The following SGCZ variants were observed in gnomAD, a reference collection of about 807,000 sequenced individuals.
The protein encoded by SGCZ is zeta-sarcoglycan.
SGCZ carries 40 observed loss-of-function variants against 41.3 expected under a neutral mutation model. The observed-to-expected ratio is 0.97, with a 90% confidence interval of 0.75 to 1.26. SGCZ has a LOEUF of 1.26. SGCZ is among the 50% of genes most tolerant of loss of function. The pLI is 0.00. For synonymous variants in SGCZ, 206 were observed against 137.5 expected (o/e 1.50, Z -3.49); for missense variants, 552 against 369.8 (o/e 1.49, Z -4.04).
intron 3 of SGCZ, among the ~76,000 whole-genome samples, chr8:14,240,167 A>G (rs1798818827): frequency 6.6e-6 from 1 of 151,304 alleles, no homozygotes; most frequent in Non-Finnish European, 1.5e-5. Context: ...TCTCTACTAA[A>G]AATACGAAAA....
intron 1 of SGCZ, among the ~76,000 whole-genome samples, chr8:15,020,902 T>C (rs1158014123): frequency 6.6e-6 from 1 of 152,210 alleles, no homozygotes; most frequent in East Asian, 1.9e-4. Flanking sequence ...ATTTAGAAAT[T>C]CAGTTAAAAG....
intron 1 of SGCZ, among the ~76,000 whole-genome samples, chr8:14,783,359 G>A (rs945375116): frequency 6.6e-6 from 1 of 151,822 alleles, no homozygotes; most frequent in Admixed American, 6.6e-5. Context: ...ACTTGAACCC[G>A]GTAGGTGGAA....
chr8:14,535,716 T>C (rs931125851), intron 2 of SGCZ, among the ~76,000 whole-genome samples: 1 of 151,898 alleles, frequency 6.6e-6, no homozygotes, highest in Non-Finnish European at 1.5e-5. Flanking sequence ...TTTCACACAA[T>C]TTTATTAAGA....
intron 1 of SGCZ, among the ~76,000 whole-genome samples, chr8:14,775,062 G>A (rs553731585): frequency 3.3e-5 from 5 of 152,110 alleles, no homozygotes; most frequent in Non-Finnish European, 1.5e-5. Context: ...ATACTAAATT[G>A]TAAAGAAAAT....
intron 3 of SGCZ, among the ~76,000 whole-genome samples, chr8:14,241,281 G>C (rs1418124881): frequency 6.6e-6 from 1 of 151,578 alleles, no homozygotes; most frequent in African/African-American, 2.4e-5. Flanking sequence ...GTTTATTCTT[G>C]CTGAGAAGAT....
chr8:14,439,041 C>T (rs1002191301), intron 2 of SGCZ, among the ~76,000 whole-genome samples: 1 of 151,938 alleles, frequency 6.6e-6, no homozygotes, highest in Non-Finnish European at 1.5e-5. Flanking sequence ...AGGTTTATTA[C>T]AGATGCCAAG....
At position 14,364,623 on chromosome 8, in the gene SGCZ, G is replaced by A. The variant is rs79871616; in HGVS notation, c.235-40419C>T. Among the ~76,000 whole-genome samples the A allele has an allele frequency of 2.2e-4, 33 of 151,950 alleles. No individual in the cohort carries two copies. In the East Asian group the frequency reaches 3.1e-3, roughly 14 times the overall value. ...TCTGACCACTTGAGAGATGCTATGCGTTATCATATTGTCATTCACCACTTA... is the reference window on the plus strand; with the variant it reads ...TCTGACCACTTGAGAGATGCTATGCATTATCATATTGTCATTCACCACTTA... On this transcript the variant is annotated intron_variant, in intron 2 of 7. Transcript: ENST00000382080.
intron 2 of SGCZ, among the ~76,000 whole-genome samples, chr8:14,538,372 G>A (rs1803359252): frequency 6.6e-6 from 1 of 151,814 alleles, no homozygotes; most frequent in African/African-American, 2.4e-5. Context: ...AGTCAAGTGG[G>A]AATGAATAAA....
chr8:14,637,989 C>T (rs768077929), intron 1 of SGCZ, among the ~76,000 whole-genome samples: 2 of 151,782 alleles, frequency 1.3e-5, no homozygotes, highest in East Asian at 1.9e-4. Context: ...TATCCTTTGA[C>T]ATTTTAGTAA....
intron 1 of SGCZ, among the ~76,000 whole-genome samples, chr8:15,011,127 C>T (rs10111834): frequency 0.67 from 102,535 of 152,094 alleles, 34,756 homozygotes; most frequent in South Asian, 0.72. Flanking sequence ...CTTTTTATGT[C>T]TTCAAGGCAA....
chr8:15,012,638 A>T (rs1459119064), intron 1 of SGCZ, among the ~76,000 whole-genome samples: 3 of 108,136 alleles, frequency 2.8e-5, no homozygotes, highest in South Asian at 5.9e-4. Flanking sequence ...ATATAAACAT[A>T]TAAAACTATA....
At chr8:14,166,328 T>G (rs966257099) in intron 4 of SGCZ, among the ~76,000 whole-genome samples, 5 of 152,188 alleles carry the variant, frequency 3.3e-5, no homozygotes, top group African/African-American at 1.2e-4. Flanking sequence ...TTGAAAACAT[T>G]ATTTCGACAG....
At chr8:14,290,475 C>T (rs1032907225) in intron 3 of SGCZ, among the ~76,000 whole-genome samples, 13 of 151,958 alleles carry the variant, frequency 8.6e-5, no homozygotes, top group Admixed American at 7.2e-4. Context: ...ATAAGAAACT[C>T]AAACAACTCA....
chr8:14,775,085 A>C (rs1800360384), intron 1 of SGCZ, among the ~76,000 whole-genome samples: 1 of 152,168 alleles, frequency 6.6e-6, no homozygotes, highest in African/African-American at 2.4e-5. Flanking sequence ...CACTAATAAA[A>C]CTAAACAAAT....
chr8:14,783,818 T>C (rs1800665180), intron 1 of SGCZ, among the ~76,000 whole-genome samples: 1 of 152,160 alleles, frequency 6.6e-6, no homozygotes, highest in Admixed American at 6.5e-5. Context: ...TTCCCAAAGT[T>C]TATTCAAAAA....
intron 1 of SGCZ, among the ~76,000 whole-genome samples, chr8:14,723,202 G>C (rs921444836): frequency 6.6e-6 from 1 of 152,186 alleles, no homozygotes; most frequent in Non-Finnish European, 1.5e-5. Flanking sequence ...AGCATAATTG[G>C]AGCAGATCTT....
intron 1 of SGCZ, among the ~76,000 whole-genome samples, chr8:14,786,314 T>C (rs1191289563): frequency 6.6e-6 from 1 of 152,102 alleles, no homozygotes; most frequent in African/African-American, 2.4e-5. Flanking sequence ...GAAAGACAAA[T>C]ACATAAGTTC....
At chr8:14,966,735 G>A (rs183471368) in intron 1 of SGCZ, among the ~76,000 whole-genome samples, 23 of 152,022 alleles carry the variant, frequency 1.5e-4, no homozygotes, top group African/African-American at 5.3e-4. Flanking sequence ...GCTTTGGGTT[G>A]TTTTCTTTTG....
chr8:14,212,385 C>T (rs573261593), intron 4 of SGCZ, among the ~76,000 whole-genome samples: 1 of 150,040 alleles, frequency 6.7e-6, no homozygotes, highest in South Asian at 2.1e-4. Flanking sequence ...TCTCACGTAA[C>T]ACCAGAAGGC....
Sources: gnomAD v4.1 joint callset for allele counts (sites outside exome capture counted in the v4.1 genomes callset) on GRCh38, gnomAD v4.1.1 for gene constraint, MANE v1.5 for transcripts, NCBI Gene and HGNC (gene_info 2026-07-23, HGNC 2026-07-21) for gene names.